Variants in EPB42 observed in about 807,000 individuals in gnomAD.
EPB42 encodes the protein erythrocyte membrane protein band 4.2.
EPB42 carries 49 observed loss-of-function variants against 76.9 expected under a neutral mutation model. The ratio of observed to expected loss-of-function variants is 0.64; its 90% CI spans 0.51 to 0.81. The LOEUF is 0.81. Among genes scored for constraint, EPB42 ranks in the 30% least tolerant of loss-of-function variants. The probability of loss-of-function intolerance (pLI) is 0.00; values close to 1 mark genes in which losing one functional copy is unlikely to be tolerated. For synonymous variants in EPB42, 310 were observed against 338.4 expected, an observed-to-expected ratio of 0.92 and a Z score of 0.92; for missense variants, 731 against 867.6, an observed-to-expected ratio of 0.84 and a Z score of 1.98.
intron 3 of EPB42, among the ~76,000 whole-genome samples, chr15:43,214,345 G>C (rs887460032): frequency 6.6e-6 from 1 of 152,182 alleles, no homozygotes; most frequent in African/African-American, 2.4e-5. Flanking sequence ...GCCACGGTTG[G>C]GGGGGCGGGG....
At chr15:43,205,811 A>C (rs1390892479) in intron 10 of EPB42, among the ~76,000 whole-genome samples, 1 of 152,226 alleles carries the variant, frequency 6.6e-6, no homozygotes, top group Non-Finnish European at 1.5e-5. Context: ...GGTTCAGGGA[A>C]TCTTAACTGT....
intron 2 of EPB42, among the ~76,000 whole-genome samples, chr15:43,215,545 G>A (rs2042365556): frequency 6.6e-6 from 1 of 152,230 alleles, no homozygotes; most frequent in South Asian, 2.1e-4. Flanking sequence ...AATGGGCATT[G>A]TAATAGTAAC....
chr15:43,225,154 C>T (rs2042496958), upstream of EPB42, among the ~76,000 whole-genome samples: 1 of 152,062 alleles, frequency 6.6e-6, no homozygotes, highest in Admixed American at 6.5e-5. Flanking sequence ...GGTATGTGTG[C>T]GTGGGGAGAA....
At chr15:43,197,554 G>C in intron 12 of EPB42, 90 bp from the exon 13 acceptor site, 1 of 1,450,066 alleles carries the variant, frequency 6.9e-7, no homozygotes, top group Non-Finnish European at 9.6e-7. Flanking sequence ...TGCTTGAAGA[G>C]GTGGACCATG....
chr15:43,209,003 G>T (rs1348199368), intron 6 of EPB42, among the ~76,000 whole-genome samples: 1 of 152,224 alleles, frequency 6.6e-6, no homozygotes, highest in Non-Finnish European at 1.5e-5. Flanking sequence ...ACAGAGCATA[G>T]AACACAGCGC....
rs1202065373 is a variant in EPB42, at chr15:43,216,238, G to A, written c.196+30C>T. On this transcript the variant is annotated intron_variant, in intron 2 of 12. Coordinates refer to ENST00000441366, the MANE Select transcript of EPB42 (RefSeq NM_001114134.2). ...GAACAGAGAACCCCCCAGGCCTGCT[G>A]CCAAAGGAGTCTAGGCCTGACTCAC... 5.0e-6 allele frequency: 8 copies of A among 1,612,162 alleles called. No individual in the cohort carries two copies. The South Asian group carries it at 7.7e-5, about 16-fold the overall frequency.
At chr15:43,220,684 C>A (rs376416221) in intron 1 of EPB42, 132 bp downstream of exon 1, 22 of 1,197,732 alleles carry the variant, frequency 1.8e-5, no homozygotes, top group Non-Finnish European at 2.7e-5. Context: ...ATCACCAGTA[C>A]CCCCTCCCCC....
At chr15:43,205,502 C>T (rs906261327) in intron 10 of EPB42, among the ~76,000 whole-genome samples, 1 of 152,116 alleles carries the variant, frequency 6.6e-6, no homozygotes, top group Non-Finnish European at 1.5e-5. Context: ...TGGGTTCAAG[C>T]GATTCTCCTG....
At position 43,208,221 on chromosome 15, in the gene EPB42, A is replaced by G; in HGVS notation, c.1075+9T>C. 1.2e-6 allele frequency: 2 copies of G among 1,613,050 alleles called. No individual in the cohort carries two copies. The highest frequency in any genetic ancestry group is 1.7e-6 in the Non-Finnish European group (2 of 1,179,432). On this transcript the variant is annotated intron_variant, in intron 8 of 12. Coordinates refer to ENST00000441366, the MANE Select transcript of EPB42 (RefSeq NM_001114134.2). ...CCTGCGTGGTCCTGGACCCACCCCT[A>G]GGCTTTACCTCCACCTCCATTAGGA...
At chr15:43,199,032 A>G (rs747544490) in intron 12 of EPB42, among the ~76,000 whole-genome samples, 3 of 152,216 alleles carry the variant, frequency 2.0e-5, no homozygotes, top group African/African-American at 4.8e-5. Flanking sequence ...GGCCCAGGCA[A>G]AAGTTTGCTG....
In EPB42 at chr15:43,197,478, A is replaced by T; in HGVS notation, c.1914-14T>A. On this transcript the variant is annotated splice_polypyrimidine_tract_variant and intron_variant, in intron 12 of 12. Coordinates refer to ENST00000441366, the MANE Select transcript of EPB42 (RefSeq NM_001114134.2). ...ACTGAACGGAATCTGAAATAAAGGA[A>T]AAGGCAGGTGCTAGTTCTGTCCCAG... The T allele has an allele frequency of 6.2e-7, 1 of 1,613,728 alleles. No individual in the cohort carries two copies. Among genetic ancestry groups the T allele is most frequent in the East Asian group, 2.2e-5 (1 of 44,878 alleles).
rs2042199896 is a variant in EPB42 at position 43,206,126 on chromosome 15, A to G, written c.1618+204T>C. On this transcript the variant is annotated intron_variant, in intron 10 of 12. Coordinates refer to ENST00000441366, the MANE Select transcript of EPB42 (RefSeq NM_001114134.2). The surrounding 1 kb of genome is among the most constrained non-coding windows in gnomAD (Gnocchi z 4.7). ...AGGGTCTGTTTACTTATCTGACTGC[A>G]GTTGGCATCGTGTTTTTTTCCTGCT... The G allele has an allele frequency of 1.8e-6, 1 of 569,222 alleles. No homozygotes were observed. Among genetic ancestry groups the G allele is most frequent in the Non-Finnish European group, 3.1e-6 (1 of 326,458 alleles). 35.3% of individuals were successfully genotyped at this position (569,222 alleles called of 1,614,324 possible).
At chr15:43,215,971 C>T (rs781189720) in intron 2 of EPB42, among the ~76,000 whole-genome samples, 4 of 152,226 alleles carry the variant, frequency 2.6e-5, no homozygotes, top group Non-Finnish European at 5.9e-5. Context: ...GGATTACAGG[C>T]GTGAGCCACC....
intron 1 of EPB42, among the ~76,000 whole-genome samples, chr15:43,217,500 AG>A (rs1345850837): frequency 8.3e-4 from 127 of 152,244 alleles, no homozygotes; most frequent in African/African-American, 3.0e-3. Context: ...AGAAGTCAAA[AG>A]ATATGTTCAG....
At chr15:43,197,627 A>G (rs1243070234) in intron 12 of EPB42, among the ~76,000 whole-genome samples, 163 bp from the exon 13 acceptor site, 2 of 152,270 alleles carry the variant, frequency 1.3e-5, no homozygotes, top group African/African-American at 4.8e-5. Context: ...AATAGAAGAC[A>G]GGAGCCACCC....
chr15:43,207,233 G>A lies in EPB42; in HGVS notation c.1284C>T (p.Cys428=), dbSNP rs146700154. The part of the protein sequence containing the change: ...ISTKGVGSDR[C]EDITQNYKYP... ...ACTTGTAGTTCTGAGTGATGTCCTC[G>A]CAGCGGTCACTGCCCACACCCTTGG... The change falls in exon 9 of 13, where the codon TGC becomes TGT. Residue 428 remains cysteine (C), a synonymous_variant. Coordinates refer to ENST00000441366, the MANE Select transcript of EPB42 (RefSeq NM_001114134.2). The A allele has an allele frequency of 8.0e-5, 129 of 1,614,010 alleles. No homozygotes were observed. In the African/African-American group the frequency reaches 1.4e-3, roughly 18 times the overall value.
At chr15:43,223,340 T>C (rs2042479413), upstream of EPB42, among the ~76,000 whole-genome samples, 1 of 151,970 alleles carries the variant, frequency 6.6e-6, no homozygotes, top group Non-Finnish European at 1.5e-5. Flanking sequence ...AAACAAGATA[T>C]GCAACAAGTT....
At chr15:43,198,902 G>A (rs2042086938) in intron 12 of EPB42, among the ~76,000 whole-genome samples, 1 of 152,242 alleles carries the variant, frequency 6.6e-6, no homozygotes, top group Admixed American at 6.5e-5. Context: ...GGCTTCAGAG[G>A]GTGGAAGCCG....
upstream of EPB42, among the ~76,000 whole-genome samples, chr15:43,222,512 C>T (rs1009224942): frequency 5.3e-5 from 8 of 152,260 alleles, no homozygotes; most frequent in South Asian, 4.1e-4. Context: ...CTTTATAAAG[C>T]GGTCATTTCT....
Sources: gnomAD v4.1 joint callset for allele counts (sites outside exome capture counted in the v4.1 genomes callset) on GRCh38, gnomAD v4.1.1 for gene constraint, Gnocchi (gnomAD v3.1) non-coding constraint, MANE v1.5 for transcripts, NCBI Gene and HGNC (gene_info 2026-07-23, HGNC 2026-07-21) for gene names.